Variants in OGDHL observed in about 807,000 individuals in gnomAD.
The protein encoded by OGDHL is 2-oxoglutarate dehydrogenase-like, mitochondrial.
Under a neutral mutation model 109.6 loss-of-function variants are expected in OGDHL, and 79 were observed. The ratio of observed to expected loss-of-function variants is 0.72; its 90% confidence interval spans 0.60 to 0.87. The LOEUF (loss-of-function observed/expected upper bound fraction) is 0.87. Among genes scored for constraint, OGDHL ranks in the 40% least tolerant of loss-of-function variants. The pLI is 0.00. For synonymous variants in OGDHL, 528 were observed against 537.2 expected (o/e 0.98, Z 0.24); for missense variants, 1,275 against 1,362.2 (o/e 0.94, Z 1.01).
In OGDHL at chr10:49,756,920, G is replaced by A. The variant is rs1263221625; in HGVS notation, c.231C>T (p.Ala77=). The A allele has an allele frequency of 6.2e-7, 1 of 1,613,676 alleles. No homozygotes were observed. The highest frequency in any genetic ancestry group is 1.1e-5 in the South Asian group (1 of 90,964). The part of the protein sequence containing the change: ...HKSWDSFFRE[A]SEEAFSGSAQ... The stretch of plus-strand genomic sequence containing the variant: ...CAGAGCCAGAAAAGGCTTCCTCGCT[G>A]GCTTCCCTGAAGAAGCTGTCCCAGG... Residue 77 remains alanine (A), a synonymous_variant, in exon 3 of 23, where the codon GCC becomes GCT. Coordinates refer to ENST00000374103, the MANE Select transcript of OGDHL (RefSeq NM_018245.3).
rs534444485 is a variant in OGDHL at position 49,750,836 on chromosome 10, C to A, written c.896+3G>T. On this transcript the variant is annotated splice_donor_region_variant and intron_variant, in intron 7 of 22. Coordinates refer to ENST00000374103, the MANE Select transcript of OGDHL (RefSeq NM_018245.3). ...GCAAGGCACAGCAGGGAGGGGGACC[C>A]ACCTGTGTGGCATCCCCAAGATGAC... 1.2e-6 allele frequency: 2 copies of A among 1,607,886 alleles called. No homozygotes were observed. The highest frequency in any genetic ancestry group is 3.4e-5 in the Admixed American group (2 of 59,382).
At chr10:49,747,271 G>A in intron 8 of OGDHL, 63 bp from the exon 9 acceptor site, 1 of 1,555,000 alleles carries the variant, frequency 6.4e-7, no homozygotes, top group Non-Finnish European at 8.8e-7. Flanking sequence ...CAGATACACA[G>A]GCAGGCACTG....
rs776962484 is a variant in OGDHL at position 49,736,449 on chromosome 10, T to C, written c.2662A>G (p.Ile888Val). The change falls in exon 21 of 23, where the codon ATC (isoleucine) becomes GTC (valine). Residue 888 changes from isoleucine (I) to valine (V), a missense_variant. Ile to Val is a conservative substitution (Grantham distance 29, BLOSUM62 3). Transcript: ENST00000374103. ...TAGTACACCTTTCCCGTGCAGAAGA[T>C]GAGCCGCTGCACCTGCTCAGGGGCC... is the stretch of plus-strand genomic sequence containing the variant. Reference protein sequence around the residue: ...ARAPEQVQRLIFCTGKVYYDL... With the variant: ...ARAPEQVQRLVFCTGKVYYDL... 6.2e-6 allele frequency: 10 copies of C among 1,614,074 alleles called. No individual in the cohort carries two copies. Among genetic ancestry groups the C allele is most frequent in the Admixed American group, 1.7e-5 (1 of 60,030 alleles).
Position 49,738,264 on chromosome 10 carries a change from T to G in OGDHL, c.2320-2A>C. 1.2e-6 allele frequency: 2 copies of G among 1,612,518 alleles called. No homozygotes were observed. Among genetic ancestry groups the G allele is most frequent in the Non-Finnish European group, 1.7e-6 (2 of 1,180,002 alleles). ...CCTCGCTGACGAGTGCTCTGGGCCCTGAAAGCAAACGCCAGACAGCCAAGG... is the reference window on the plus strand; with the variant it reads ...CCTCGCTGACGAGTGCTCTGGGCCCGGAAAGCAAACGCCAGACAGCCAAGG... On this transcript the variant is annotated splice_acceptor_variant, in intron 17 of 22. Transcript: ENST00000374103. LOFTEE classifies it high-confidence loss of function.
chr10:49,736,416 C>A lies in OGDHL; in HGVS notation c.2695G>T (p.Val899Leu), dbSNP rs1178110779. The change falls in exon 21 of 23, where the codon GTG becomes TTG. Residue 899 changes from valine (V) to leucine (L), a missense_variant. Val to Leu is a conservative substitution (Grantham distance 32). Coordinates refer to ENST00000374103, the MANE Select transcript of OGDHL (RefSeq NM_018245.3). ...FCTGKVYYDL[V>L]KERSSQDLEE... ...AGGTCCTGGCTGCTCCGCTCCTTCA[C>A]CAGGTCATAGTACACCTTTCCCGTG... The A allele has an allele frequency of 6.2e-7, 1 of 1,614,044 alleles. No homozygotes were observed. The highest frequency in any genetic ancestry group is 1.3e-5 in the African/African-American group (1 of 74,938).
intron 15 of OGDHL, among the ~76,000 whole-genome samples, chr10:49,742,117 CAT>C (rs1841747075): frequency 7.0e-6 from 1 of 142,242 alleles, no homozygotes. Flanking sequence ...ACATTACACA[CAT>C]ACACACCCTA....
At chr10:49,737,721 A>T in intron 20 of OGDHL, 65 bp downstream of exon 20, 2 of 1,568,206 alleles carry the variant, frequency 1.3e-6, no homozygotes, top group East Asian at 4.5e-5. Flanking sequence ...CCCCAGAAGC[A>T]GAAGCCACAC....
chr10:49,750,833 A>C lies in OGDHL; in HGVS notation c.896+6T>G. 1 of 1,606,118 alleles carries C rather than the reference A, an allele frequency of 6.2e-7. No individual in the cohort carries two copies. The highest frequency in any genetic ancestry group is 8.5e-7 in the Non-Finnish European group (1 of 1,175,858). On this transcript the variant is annotated splice_donor_region_variant and intron_variant, in intron 7 of 22. Transcript: ENST00000374103. ...TGCGCAAGGCACAGCAGGGAGGGGG[A>C]CCCACCTGTGTGGCATCCCCAAGAT...
At position 49,745,904 on chromosome 10, in the gene OGDHL, G is replaced by A. The variant is rs746641868; in HGVS notation, c.1370C>T (p.Ala457Val). 3.1e-6 allele frequency: 5 copies of A among 1,614,082 alleles called. No individual in the cohort carries two copies. The highest frequency in any genetic ancestry group is 2.2e-5 in the East Asian group (1 of 44,894). The change falls in exon 11 of 23, where the codon GCG becomes GTG. Residue 457 changes from alanine to valine, a missense_variant. Ala to Val is a moderately conservative substitution (Grantham distance 64, BLOSUM62 0). Coordinates refer to ENST00000374103, the MANE Select transcript of OGDHL (RefSeq NM_018245.3). Reference protein sequence around the residue: ...YPTDVARVVNAPIFHVNADDP... With the variant: ...YPTDVARVVNVPIFHVNADDP... ...ATCGGCATTCACATGGAAGATAGGC[G>A]CATTGACCACCCGGGCCACGTCGGT...
intron 1 of OGDHL, among the ~76,000 whole-genome samples, chr10:49,761,651 G>C (rs1843290544): frequency 6.6e-6 from 1 of 152,232 alleles, no homozygotes; most frequent in Admixed American, 6.5e-5. Context: ...CGGCGAATGC[G>C]TACTGCAGCC....
intron 18 of OGDHL, 23 bp from the exon 19 acceptor site, chr10:49,738,095 G>T (rs781156484): frequency 1.2e-6 from 2 of 1,613,932 alleles, no homozygotes; most frequent in East Asian, 2.2e-5. Flanking sequence ...GATGCATATG[G>T]CCAGGGTGGC....
At chr10:49,744,239 G>A in intron 13 of OGDHL, 117 bp from the exon 14 acceptor site, 1 of 1,341,580 alleles carries the variant, frequency 7.5e-7, no homozygotes, top group South Asian at 1.4e-5. Context: ...CCGGCACTCG[G>A]ACTCACCCTG....
intron 20 of OGDHL, 49 bp downstream of exon 20, chr10:49,737,737 G>A (rs1215922941): frequency 1.9e-6 from 3 of 1,602,272 alleles, no homozygotes; most frequent in Non-Finnish European, 2.6e-6. Context: ...CACACAATGG[G>A]CCACCGCCCC....
At chr10:49,756,208 C>T (rs1425709529) in intron 3 of OGDHL, among the ~76,000 whole-genome samples, 1 of 152,198 alleles carries the variant, frequency 6.6e-6, no homozygotes, top group Non-Finnish European at 1.5e-5. Flanking sequence ...TTGTTATGGC[C>T]TGAACACCGC....
Position 49,750,711 on chromosome 10 carries a change from T to C in OGDHL, c.896+128A>G, listed in dbSNP as rs1842528028. The C allele has an allele frequency of 4.6e-6, 6 of 1,312,626 alleles. No individual in the cohort carries two copies. In the African/African-American group the frequency reaches 6.0e-5, roughly 13 times the overall value. 81.3% of individuals were successfully genotyped at this position (1,312,626 alleles called of 1,614,324 possible). ...CAGGCCAGGCCCAGGACTCAGAACTTTCCAGGAAACCCACCTCTACCCCCA... is the reference window on the plus strand; with the variant it reads ...CAGGCCAGGCCCAGGACTCAGAACTCTCCAGGAAACCCACCTCTACCCCCA... On this transcript the variant is annotated intron_variant, in intron 7 of 22. Transcript: ENST00000374103.
chr10:49,741,944 TCACACACAC>T (rs1012327514), intron 15 of OGDHL, among the ~76,000 whole-genome samples: 2 of 86,288 alleles, frequency 2.3e-5, no homozygotes, highest in South Asian at 8.5e-4. Flanking sequence ...ACAAACACAA[TCACACACAC>T]CACACACACT....
chr10:49,736,004 C>G lies in OGDHL; in HGVS notation c.2909+19G>C, dbSNP rs1841133512. On this transcript the variant is annotated intron_variant, in intron 22 of 22. Transcript: ENST00000374103. ...CCTCAGGGCCGAGGTGAGGGGCAAT[C>G]AGCGGCCCCACCATGTACCATATGG... The G allele has an allele frequency of 2.6e-6, 4 of 1,544,264 alleles. No homozygotes were observed. The South Asian group carries it at 5.1e-5, about 20-fold the overall frequency.
chr10:49,735,436 C>G, intron 22 of OGDHL, 85 bp from the exon 23 acceptor site: 1 of 1,503,894 alleles, frequency 6.6e-7, no homozygotes, highest in Non-Finnish European at 9.0e-7. Context: ...GCAGGGGGCA[C>G]GCATCTGAGA....
At chr10:49,760,071 C>T (rs1843174301) in intron 1 of OGDHL, among the ~76,000 whole-genome samples, 1 of 152,244 alleles carries the variant, frequency 6.6e-6, no homozygotes, top group Non-Finnish European at 1.5e-5. Context: ...AGCCCTCCTT[C>T]TAACTCACAT....
Sources: allele counts gnomAD v4.1 joint callset (sites outside exome capture counted in the v4.1 genomes callset), GRCh38; gene constraint gnomAD v4.1.1; transcripts MANE v1.5; gene names NCBI Gene and HGNC (gene_info 2026-07-23, HGNC 2026-07-21).